The following ZNF267 variants were observed in gnomAD, a reference collection of about 807,000 sequenced individuals.
ZNF267 encodes zinc finger (C2H2).
Under a neutral mutation model 71.6 loss-of-function variants are expected in ZNF267, and 61 were observed. The ratio of observed to expected loss-of-function variants is 0.85; its 90% confidence interval spans 0.69 to 1.05. ZNF267 has a LOEUF of 1.05. Ranked by LOEUF, ZNF267 falls within the 50% of genes least tolerant of loss-of-function variation. ZNF267 has a pLI of 0.00. For missense variants in ZNF267, 852 were observed against 870.0 expected, an observed-to-expected ratio of 0.98 and a Z score of 0.26; for synonymous variants, 288 against 293.2, an observed-to-expected ratio of 0.98 and a Z score of 0.18.
intron 3 of ZNF267, among the ~76,000 whole-genome samples, chr16:31,909,661 G>A (rs1427406623): frequency 2.0e-5 from 3 of 152,024 alleles, no homozygotes; most frequent in African/African-American, 7.2e-5. Flanking sequence ...TTTTTTGGTG[G>A]AGTCTTTAGA....
chr16:31,876,249 C>T (rs762055428), intron 1 of ZNF267, among the ~76,000 whole-genome samples: 2 of 152,198 alleles, frequency 1.3e-5, no homozygotes, highest in Non-Finnish European at 2.9e-5. Context: ...GACAGGATCT[C>T]TCCTCTGTCA....
At chr16:31,913,189 A>G (rs186733362) in intron 3 of ZNF267, 5 of 152,254 alleles carry the variant, frequency 3.3e-5, no homozygotes, top group Admixed American at 3.3e-4. Context: ...AAACTCAATA[A>G]CGTTGTTCTT....
chr16:31,897,134 C>CA (rs1335498398), intron 3 of ZNF267, among the ~76,000 whole-genome samples: 28 of 132,680 alleles, frequency 2.1e-4, no homozygotes, highest in East Asian at 9.1e-4. Context: ...CACCAAACAC[C>CA]AAAAAAACAA....
chr16:31,887,109 AGAT>A (rs1308621514), intron 3 of ZNF267, among the ~76,000 whole-genome samples: 4 of 152,198 alleles, frequency 2.6e-5, no homozygotes, highest in Non-Finnish European at 4.4e-5. Flanking sequence ...AACAAGTGTG[AGAT>A]GATATCTTAT....
At chr16:31,880,039 A>G (rs1027790987) in intron 1 of ZNF267, among the ~76,000 whole-genome samples, 1 of 152,194 alleles carries the variant, frequency 6.6e-6, no homozygotes, top group African/African-American at 2.4e-5. Flanking sequence ...TCACAGCAAT[A>G]CACAAGAATT....
intron 3 of ZNF267, among the ~76,000 whole-genome samples, chr16:31,897,065 A>AATT (rs1322041446): frequency 1.3e-5 from 2 of 151,968 alleles, no homozygotes; most frequent in Admixed American, 1.3e-4. Flanking sequence ...GGAAACGAGG[A>AATT]AGTTAAATGG....
chr16:31,904,473 T>A (rs189315741), intron 3 of ZNF267, among the ~76,000 whole-genome samples: 112 of 152,382 alleles, frequency 7.3e-4, no homozygotes, highest in Non-Finnish European at 6.9e-4. Flanking sequence ...GGTGCTCCTG[T>A]ATGGGGTACA....
chr16:31,873,865 C>T lies in ZNF267; in HGVS notation c.-102C>T. On this transcript the variant is annotated 5_prime_UTR_variant, in exon 1 of 4. Transcript: ENST00000300870. ...AGTCTTTCGTTCTGGGAGGCCCAGG[C>T]GGCTTCGCGTTCTGAGAATAAACAG... The T allele has an allele frequency of 1.3e-6, 2 of 1,524,280 alleles. No homozygotes were observed. Among genetic ancestry groups the T allele is most frequent in the Non-Finnish European group, 1.8e-6 (2 of 1,100,022 alleles). 94.4% of individuals were successfully genotyped at this position (1,524,280 alleles called of 1,614,324 possible). A position where few individuals can be genotyped will look rare whatever the true frequency, so the allele number is the denominator to read the frequency against.
chr16:31,913,335 C>T (rs2084148861), intron 3 of ZNF267: 1 of 152,264 alleles, frequency 6.6e-6, no homozygotes, highest in African/African-American at 2.4e-5. Flanking sequence ...GCTGAGCTAC[C>T]TGGAGCTGGG....
Position 31,894,827 on chromosome 16 carries a change from T to C in ZNF267, c.226+9571T>C, listed in dbSNP as rs1441075997. 2.5e-5 allele frequency: 12 copies of C among 479,136 alleles called. No individual in the cohort carries two copies. In the East Asian group the frequency reaches 6.7e-4, roughly 27 times the overall value. The allele number at this position is 479,136 out of a possible 1,614,324, so 29.7% of individuals were successfully genotyped here. On this transcript the variant is annotated intron_variant, in intron 3 of 3. Transcript: ENST00000300870. ...TGCATACATTGACTTCTTTAGTAAG[T>C]GCCGTGAACTCCTGTGGAGGTGGAG...
intron 3 of ZNF267, chr16:31,913,787 C>T (rs900855292): frequency 6.6e-6 from 1 of 152,426 alleles, no homozygotes; most frequent in South Asian, 2.1e-4. Flanking sequence ...AACACCCAAG[C>T]ACTCTTCAGT....
intron 3 of ZNF267, chr16:31,894,534 A>G (rs1461507279): frequency 2.0e-6 from 1 of 511,468 alleles, no homozygotes; most frequent in Non-Finnish European, 3.9e-6. Flanking sequence ...CTAACAAACT[A>G]CATCTTTCAA....
At position 31,916,155 on chromosome 16, in the gene ZNF267, G is replaced by C; in HGVS notation, c.1906G>C (p.Glu636Gln). The C allele has an allele frequency of 6.2e-7, 1 of 1,614,166 alleles. No homozygotes were observed. Among genetic ancestry groups the C allele is most frequent in the East Asian group, 2.2e-5 (1 of 44,874 alleles). ...HTGQRPYKCEECGKAFNYRSY... is the reference protein window; with the variant it reads ...HTGQRPYKCEQCGKAFNYRSY... ...TGGCCAGAGACCCTACAAATGTGAAGAATGTGGCAAAGCCTTCAACTATAG... is the reference window on the plus strand; with the variant it reads ...TGGCCAGAGACCCTACAAATGTGAACAATGTGGCAAAGCCTTCAACTATAG... Residue 636 changes from glutamate (E) to glutamine (Q), a missense_variant, in exon 4 of 4, where the codon GAA (glutamate) becomes CAA (glutamine). By Grantham distance (29) the Glu-to-Gln change is conservative (BLOSUM62 2). Transcript: ENST00000300870.
At chr16:31,901,371 G>A (rs1223397674) in intron 3 of ZNF267, among the ~76,000 whole-genome samples, 5 of 152,238 alleles carry the variant, frequency 3.3e-5, no homozygotes, top group African/African-American at 9.6e-5. Context: ...CTGAGGAATC[G>A]CCACACCAAC....
chr16:31,905,367 A>G (rs1436192224), intron 3 of ZNF267, among the ~76,000 whole-genome samples: 3 of 152,162 alleles, frequency 2.0e-5, no homozygotes, highest in Admixed American at 6.5e-5. Context: ...CCTGGATAAT[A>G]TCCTGCAGAG....
chr16:31,897,319 T>G (rs1567476439), intron 3 of ZNF267, among the ~76,000 whole-genome samples: 1 of 152,164 alleles, frequency 6.6e-6, no homozygotes, highest in Non-Finnish European at 1.5e-5. Flanking sequence ...ACTTTATTCT[T>G]TCCCATGCAA....
Position 31,873,812 on chromosome 16 carries a change from G to C in ZNF267, c.-155G>C. 2.9e-6 allele frequency: 3 copies of C among 1,024,102 alleles called. No homozygotes were observed. The highest frequency in any genetic ancestry group is 4.5e-6 in the Non-Finnish European group (3 of 666,466). The allele number at this position is 1,024,102 out of a possible 1,614,324, so 63.4% of individuals were successfully genotyped here. On this transcript the variant is annotated 5_prime_UTR_variant, in exon 1 of 4. Coordinates refer to ENST00000300870, the MANE Select transcript of ZNF267 (RefSeq NM_003414.6). ...CGGGGGCCTTCGTCGGCTCCAGTTA[G>C]AGCTCGGGTCTCCTCGCCACAGCTC...
In ZNF267 at chr16:31,916,366, A is replaced by G. The variant is rs1226325753; in HGVS notation, c.2117A>G (p.His706Arg). The change falls in exon 4 of 4, where the codon CAT becomes CGT. Residue 706 changes from histidine to arginine, a missense_variant. His to Arg is a conservative substitution (Grantham distance 29). Transcript: ENST00000300870. The part of the protein sequence containing the change: ...AFSYRSYLTT[H>R]RRSHSGERPY... Reference sequence around the variant, plus strand: ...AGCTATAGGTCATACCTCACTACACATCGGAGAAGTCATAGTGGAGAGAGA... The same window carrying G: ...AGCTATAGGTCATACCTCACTACACGTCGGAGAAGTCATAGTGGAGAGAGA... The G allele has an allele frequency of 6.2e-7, 1 of 1,614,080 alleles. No homozygotes were observed. The highest frequency in any genetic ancestry group is 8.5e-7 in the Non-Finnish European group (1 of 1,179,966).
At chr16:31,889,411 T>G (rs1299079910) in intron 3 of ZNF267, among the ~76,000 whole-genome samples, 1 of 152,220 alleles carries the variant, frequency 6.6e-6, no homozygotes, top group Admixed American at 6.5e-5. Flanking sequence ...CATTTTATAC[T>G]TCTGTCTTAG....
Sources: gnomAD v4.1 joint callset for allele counts (sites outside exome capture counted in the v4.1 genomes callset) on GRCh38, gnomAD v4.1.1 for gene constraint, MANE v1.5 for transcripts, NCBI Gene and HGNC (gene_info 2026-07-23, HGNC 2026-07-21) for gene names.